Variants in SORCS3 observed in about 807,000 individuals in gnomAD.
SORCS3 encodes VPS10 domain-containing receptor SorCS3.
Under a neutral mutation model 146.3 loss-of-function variants are expected in SORCS3, and 57 were observed. The ratio of observed to expected loss-of-function variants is 0.39; its 90% CI spans 0.31 to 0.49. SORCS3 has a LOEUF of 0.49. Among genes scored for constraint, SORCS3 ranks in the 20% least tolerant of loss-of-function variants. The pLI is 0.92. For synonymous variants in SORCS3, 653 were observed against 618.5 expected (o/e 1.06, Z -0.83); for missense variants, 1,341 against 1,575.5 (o/e 0.85, Z 2.52).
intron 4 of SORCS3, among the ~76,000 whole-genome samples, chr10:105,001,333 A>G (rs142053870): frequency 1.3e-5 from 2 of 152,324 alleles, no homozygotes; most frequent in East Asian, 3.9e-4. Context: ...AGAATCGTGT[A>G]AAGTTTGGAG....
At chr10:104,947,822 C>G (rs2019389449) in intron 3 of SORCS3, among the ~76,000 whole-genome samples, 1 of 151,988 alleles carries the variant, frequency 6.6e-6, no homozygotes, top group Non-Finnish European at 1.5e-5. Flanking sequence ...AGGGTTTCAC[C>G]ATGTTGGCTG....
chr10:105,115,387 A>G (rs989482057), intron 7 of SORCS3, among the ~76,000 whole-genome samples: 16 of 152,156 alleles, frequency 1.1e-4, no homozygotes, highest in African/African-American at 3.6e-4. Context: ...AATCAGCCTC[A>G]CTGTTTAGTG....
intron 5 of SORCS3, among the ~76,000 whole-genome samples, chr10:105,048,266 A>G (rs2055387622): frequency 6.7e-6 from 1 of 149,922 alleles, no homozygotes; most frequent in Non-Finnish European, 1.5e-5. Flanking sequence ...TCACAATAGC[A>G]AAGACTTGGA....
At position 104,675,177 on chromosome 10, in the gene SORCS3, T is replaced by A. The variant is rs550280646; in HGVS notation, c.627+33223T>A. ...TCATTCTGTTGGGTATGGTGATAAA[T>A]CCCATTGTGGTTTTTAATTCAATTA... On this transcript the variant is annotated intron_variant, in intron 1 of 26. Coordinates refer to ENST00000369701, the MANE Select transcript of SORCS3 (RefSeq NM_014978.3). Among the ~76,000 whole-genome samples the A allele has an allele frequency of 4.6e-5, 7 of 152,374 alleles. No individual in the cohort carries two copies. In the South Asian group the frequency reaches 1.4e-3, roughly 32 times the overall value.
At chr10:104,962,744 A>G (rs2054803505) in intron 3 of SORCS3, among the ~76,000 whole-genome samples, 1 of 152,216 alleles carries the variant, frequency 6.6e-6, no homozygotes, top group Non-Finnish European at 1.5e-5. Flanking sequence ...ATGATTGTAA[A>G]GGAAATGTGT....
chr10:104,997,948 G>A (rs566094656), intron 4 of SORCS3, among the ~76,000 whole-genome samples: 1 of 152,178 alleles, frequency 6.6e-6, no homozygotes. Context: ...AAAGTTCTGA[G>A]ATGATCAGCA....
At position 104,924,552 on chromosome 10, in the gene SORCS3, C is replaced by A. The variant is rs1339230243; in HGVS notation, c.795+8620C>A. On this transcript the variant is annotated intron_variant, in intron 3 of 26. Transcript: ENST00000369701. ...ACCTGGGTGGGAAACCAAGGACTTG[C>A]ATTCAAAACTGCCCAGAATGGTTGA... Among the ~76,000 whole-genome samples, 4 of 152,210 alleles carry A rather than the reference C, an allele frequency of 2.6e-5. No individual in the cohort carries two copies. In the East Asian group the frequency reaches 7.7e-4, roughly 29 times the overall value.
chr10:104,944,171 A>G (rs2019346911), intron 3 of SORCS3, among the ~76,000 whole-genome samples: 1 of 152,218 alleles, frequency 6.6e-6, no homozygotes, highest in East Asian at 1.9e-4. Flanking sequence ...TCCTAATATT[A>G]AAAAATAATA....
chr10:104,939,778 C>A (rs2019293828), intron 3 of SORCS3, among the ~76,000 whole-genome samples: 2 of 152,196 alleles, frequency 1.3e-5, no homozygotes, highest in African/African-American at 4.8e-5. Flanking sequence ...TCTTGCTCCA[C>A]AACACTCGGG....
chr10:104,737,407 T>A (rs2016787295), intron 1 of SORCS3, among the ~76,000 whole-genome samples: 1 of 152,166 alleles, frequency 6.6e-6, no homozygotes, highest in African/African-American at 2.4e-5. Context: ...AGTGTCAAAG[T>A]GTTCCTATTT....
intron 4 of SORCS3, among the ~76,000 whole-genome samples, chr10:105,033,274 A>G (rs2055282672): frequency 6.6e-6 from 1 of 152,198 alleles, no homozygotes; most frequent in Non-Finnish European, 1.5e-5. Flanking sequence ...TTTTCTTTCA[A>G]CAGCAAGAAG....
At chr10:104,964,382 C>T (rs2054814907) in intron 3 of SORCS3, among the ~76,000 whole-genome samples, 1 of 152,170 alleles carries the variant, frequency 6.6e-6, no homozygotes, top group South Asian at 2.1e-4. Flanking sequence ...CACAGCTTCT[C>T]TTTCAGCACC....
At chr10:104,795,072 A>T (rs1264624994) in intron 1 of SORCS3, among the ~76,000 whole-genome samples, 1 of 152,204 alleles carries the variant, frequency 6.6e-6, no homozygotes, top group Non-Finnish European at 1.5e-5. Flanking sequence ...ATTCAAAGAC[A>T]ATGTAACTTT....
At chr10:104,975,578 G>A (rs1224963364) in intron 3 of SORCS3, among the ~76,000 whole-genome samples, 6 of 152,038 alleles carry the variant, frequency 3.9e-5, no homozygotes, top group Non-Finnish European at 7.4e-5. Context: ...TTCATATGGA[G>A]CCAAAAAAGA....
At chr10:105,258,768 T>C (rs947371586) in intron 25 of SORCS3, among the ~76,000 whole-genome samples, 47 of 152,188 alleles carry the variant, frequency 3.1e-4, no homozygotes, top group African/African-American at 1.1e-3. Flanking sequence ...AATTCTACCT[T>C]TGTAGTTCCC....
intron 18 of SORCS3, among the ~76,000 whole-genome samples, chr10:105,215,095 T>C (rs750045025): frequency 6.6e-6 from 1 of 152,214 alleles, no homozygotes; most frequent in African/African-American, 2.4e-5. Flanking sequence ...TGAAATCCTT[T>C]AAAGTTATCT....
chr10:104,871,465 C>A (rs1270805598), intron 2 of SORCS3, among the ~76,000 whole-genome samples: 3 of 152,186 alleles, frequency 2.0e-5, no homozygotes, highest in Middle Eastern at 3.2e-3. Context: ...TTTGGCCCCA[C>A]TGTGTGCACC....
Position 105,164,316 on chromosome 10 carries a change from G to C in SORCS3, c.1746G>C (p.Pro582=). 1 of 1,613,340 alleles carries C rather than the reference G, an allele frequency of 6.2e-7. No homozygotes were observed. Among genetic ancestry groups the C allele is most frequent in the South Asian group, 1.1e-5 (1 of 91,050 alleles). Residue 582 remains proline (P), a synonymous_variant, in exon 12 of 27, where the codon CCG becomes CCC. Coordinates refer to ENST00000369701, the MANE Select transcript of SORCS3 (RefSeq NM_014978.3). ...CTTATGTTTCAGGCAACATTGGCCC[G>C]GAGCTCTCATATACTGATATTGGTG... is the stretch of plus-strand genomic sequence containing the variant. ...GLVVATGNIG[P]ELSYTDIGVF...
chr10:105,185,061 T>C (rs1260838373), intron 14 of SORCS3, among the ~76,000 whole-genome samples: 2 of 152,226 alleles, frequency 1.3e-5, no homozygotes, highest in East Asian at 3.9e-4. Context: ...AATCATAAAG[T>C]ATGTGTCCTT....
Sources: gnomAD v4.1 joint callset for allele counts (sites outside exome capture counted in the v4.1 genomes callset) on GRCh38, gnomAD v4.1.1 for gene constraint, MANE v1.5 for transcripts, NCBI Gene and HGNC (gene_info 2026-07-23, HGNC 2026-07-21) for gene names.